DGCR6L: variants seen among roughly 807,000 people sequenced by gnomAD.
The protein encoded by DGCR6L is DiGeorge syndrome critical region gene 6 like, also known as protein DGCR6L.
In DGCR6L, 24 loss-of-function variants were observed where a neutral mutation model predicts 31.1. The ratio of observed to expected loss-of-function variants is 0.77; its 90% CI spans 0.56 to 1.08. DGCR6L has a LOEUF of 1.08. Ranked by LOEUF, DGCR6L falls within the 50% of genes least tolerant of loss-of-function variation. The pLI is 0.00. For synonymous variants in DGCR6L, 104 were observed against 126.1 expected (o/e 0.82, Z 1.17); for missense variants, 218 against 287.1 (o/e 0.76, Z 1.74).
chr22:20,315,478 T>A lies in DGCR6L; in HGVS notation c.373-2A>T. The A allele has an allele frequency of 6.2e-7, 1 of 1,613,178 alleles. No individual in the cohort carries two copies. Among genetic ancestry groups the A allele is most frequent in the Non-Finnish European group, 8.5e-7 (1 of 1,179,788 alleles). On this transcript the variant is annotated splice_acceptor_variant, in intron 3 of 4. Coordinates refer to ENST00000248879, the MANE Select transcript of DGCR6L (RefSeq NM_033257.4). LOFTEE classifies it high-confidence loss of function. ...CTCACGGATCCGGTGTTCCACGGCCTGCCATGGGGCCAGGGCGCGGAGGGG... is the reference window on the plus strand; with the variant it reads ...CTCACGGATCCGGTGTTCCACGGCCAGCCATGGGGCCAGGGCGCGGAGGGG...
chr22:20,319,953 C>T lies in DGCR6L; in HGVS notation c.36G>A (p.Ala12=), dbSNP rs778546879. ...GTCGCTCCTGCTGCCGGGCACCGTC[C>T]GCCACCTCCTCCAAGGCGGCCGCGT... is the stretch of plus-strand genomic sequence containing the variant. The part of the protein sequence containing the change: ...ERYAAALEEV[A]DGARQQERHY... Residue 12 remains alanine (A), a synonymous_variant, in exon 1 of 5, where the codon GCG becomes GCA. Coordinates refer to ENST00000248879, the MANE Select transcript of DGCR6L (RefSeq NM_033257.4). 3.1e-6 allele frequency: 5 copies of T among 1,607,244 alleles called. No homozygotes were observed. The highest frequency in any genetic ancestry group is 3.4e-6 in the Non-Finnish European group (4 of 1,178,056).
intron 2 of DGCR6L, among the ~76,000 whole-genome samples, chr22:20,317,553 C>A (rs1306418282): frequency 1.3e-5 from 2 of 152,256 alleles, no homozygotes; most frequent in African/African-American, 4.8e-5. Flanking sequence ...CTGGCCCAAA[C>A]CTTCTGAAGC....
At chr22:20,317,287 G>C (rs2051577857) in intron 2 of DGCR6L, among the ~76,000 whole-genome samples, 1 of 152,232 alleles carries the variant, frequency 6.6e-6, no homozygotes, top group African/African-American at 2.4e-5. Flanking sequence ...CCATAACACA[G>C]GGAAGCAGGG....
At position 20,319,563 on chromosome 22, in the gene DGCR6L, T is replaced by G. The variant is rs548095854; in HGVS notation, c.271+76A>C. ...CGAACACTTCCAAGGAAGGAGCTGA[T>G]CTGCACAGATACCAAGAGCTGCCCG... is the stretch of plus-strand genomic sequence containing the variant. On this transcript the variant is annotated intron_variant, in intron 2 of 4. Coordinates refer to ENST00000248879, the MANE Select transcript of DGCR6L (RefSeq NM_033257.4). 11 of 1,563,914 alleles carry G rather than the reference T, an allele frequency of 7.0e-6. No individual in the cohort carries two copies. In the East Asian group the frequency reaches 1.4e-4, roughly 20 times the overall value.
chr22:20,316,812 G>C (rs988129655), intron 2 of DGCR6L, among the ~76,000 whole-genome samples: 1 of 152,202 alleles, frequency 6.6e-6, no homozygotes, highest in Non-Finnish European at 1.5e-5. Flanking sequence ...ATGAGCTTGG[G>C]GTGCCATAAG....
intron 2 of DGCR6L, chr22:20,318,309 G>C (rs772648098): frequency 2.6e-5 from 4 of 152,372 alleles, no homozygotes; most frequent in Non-Finnish European, 5.9e-5. Flanking sequence ...AGAAATTTTT[G>C]CCACATTAAA....
chr22:20,315,501 G>T (rs201382306), intron 3 of DGCR6L, 25 bp from the exon 4 acceptor site: 29 of 1,609,420 alleles, frequency 1.8e-5, no homozygotes, highest in East Asian at 8.9e-5. Context: ...GGGCGCGGAG[G>T]GGGAGAGGTG....
chr22:20,319,632 C>G lies in DGCR6L; in HGVS notation c.271+7G>C. The G allele has an allele frequency of 6.2e-7, 1 of 1,610,664 alleles. No homozygotes were observed. The highest frequency in any genetic ancestry group is 8.5e-7 in the Non-Finnish European group (1 of 1,179,608). On this transcript the variant is annotated splice_region_variant and intron_variant, in intron 2 of 4. Coordinates refer to ENST00000248879, the MANE Select transcript of DGCR6L (RefSeq NM_033257.4). ...AGGCGGCACCTCATCCCGCTGCCCC[C>G]GCGCACCTCGGTGCTCGTTCTGTAG...
chr22:20,315,530 G>C, intron 3 of DGCR6L, 54 bp from the exon 4 acceptor site: 1 of 1,589,984 alleles, frequency 6.3e-7, no homozygotes, highest in South Asian at 1.1e-5. Context: ...TCTGCCATCA[G>C]GGGGCGGGGA....
chr22:20,319,854 G>A (rs749051011), intron 1 of DGCR6L, 25 bp downstream of exon 1: 2 of 1,590,384 alleles, frequency 1.3e-6, no homozygotes, highest in African/African-American at 1.3e-5. Context: ...GCCTCCGCAG[G>A]CCTCCGCCCG....
intron 3 of DGCR6L, 23 bp from the exon 4 acceptor site, chr22:20,315,499 A>AG (rs768566939): frequency 6.2e-7 from 1 of 1,609,950 alleles, no homozygotes; most frequent in Non-Finnish European, 8.5e-7. Flanking sequence ...CAGGGCGCGG[A>AG]GGGGGAGAGG....
Position 20,319,866 on chromosome 22 carries a change from C to G in DGCR6L, c.110+13G>C. The G allele has an allele frequency of 1.2e-6, 2 of 1,606,026 alleles. No individual in the cohort carries two copies. Among genetic ancestry groups the G allele is most frequent in the Non-Finnish European group, 1.7e-6 (2 of 1,177,004 alleles). On this transcript the variant is annotated intron_variant, in intron 1 of 4. Transcript: ENST00000248879. ...GCCGCCTCCGCAGGCCTCCGCCCGC[C>G]CCGCCTGCGTACCTGGGCAACTCCT...
At chr22:20,315,947 T>A (rs2051567920) in intron 3 of DGCR6L, among the ~76,000 whole-genome samples, 172 bp downstream of exon 3, 1 of 152,158 alleles carries the variant, frequency 6.6e-6, no homozygotes, top group Non-Finnish European at 1.5e-5. Context: ...ACACTTGGTA[T>A]CCGCAAAGAG....
At chr22:20,315,970 G>A in intron 3 of DGCR6L, 149 bp downstream of exon 3, 1 of 948,916 alleles carries the variant, frequency 1.1e-6, no homozygotes. Context: ...GCCACCTGGT[G>A]GGACTCACTA....
chr22:20,317,507 C>CAATGCAG (rs1485788655), intron 2 of DGCR6L, among the ~76,000 whole-genome samples: 3 of 152,264 alleles, frequency 2.0e-5, no homozygotes, highest in African/African-American at 7.2e-5. Context: ...AGCAGAAAGT[C>CAATGCAG]AATGCAGGCA....
rs2051554879 is a variant in DGCR6L at position 20,314,337 on chromosome 22, T to C, written c.*338A>G. On this transcript the variant is annotated 3_prime_UTR_variant, in exon 5 of 5. Coordinates refer to ENST00000248879, the MANE Select transcript of DGCR6L (RefSeq NM_033257.4). ...CACACAGAGCTTGGGCCTGGGAGCC[T>C]CTTCTGCATGGGGGCTGCAGCTGCC... 3 of 266,858 alleles carry C rather than the reference T, an allele frequency of 1.1e-5. No homozygotes were observed. Among genetic ancestry groups the C allele is most frequent in the Admixed American group, 4.8e-5 (1 of 20,964 alleles). The allele number at this position is 266,858 out of a possible 1,614,324, so 16.5% of individuals were successfully genotyped here. A position where few individuals can be genotyped will look rare whatever the true frequency, so the allele number is the denominator to read the frequency against.
In DGCR6L at chr22:20,314,446, C is replaced by A. The variant is rs1377913979; in HGVS notation, c.*229G>T. 1.4e-6 allele frequency: 1 copy of A among 734,768 alleles called. No individual in the cohort carries two copies. Among genetic ancestry groups the A allele is most frequent in the Non-Finnish European group, 2.1e-6 (1 of 476,004 alleles). 45.5% of individuals were successfully genotyped at this position (734,768 alleles called of 1,614,324 possible). On this transcript the variant is annotated 3_prime_UTR_variant, in exon 5 of 5. Coordinates refer to ENST00000248879, the MANE Select transcript of DGCR6L (RefSeq NM_033257.4). ...TGCCCGGTGGAGTAAGGTGTGAGAA[C>A]CCCCAGCCTCACTCTCTGCCTGGTC...
At chr22:20,317,099 C>T (rs759403638) in intron 2 of DGCR6L, among the ~76,000 whole-genome samples, 19 of 152,178 alleles carry the variant, frequency 1.2e-4, no homozygotes, top group Non-Finnish European at 2.5e-4. Context: ...CTGGGAAGAG[C>T]CCTGATGTTG....
intron 3 of DGCR6L, 46 bp downstream of exon 3, chr22:20,316,073 G>A (rs1430034973): frequency 3.2e-6 from 5 of 1,545,112 alleles, no homozygotes; most frequent in Non-Finnish European, 4.4e-6. Context: ...GCCAGGTGGT[G>A]CCCACAGGAG....
Sources: allele counts gnomAD v4.1 joint callset (sites outside exome capture counted in the v4.1 genomes callset), GRCh38; gene constraint gnomAD v4.1.1; transcripts MANE v1.5; gene names NCBI Gene and HGNC (gene_info 2026-07-23, HGNC 2026-07-21).